The following ATP10B variants were observed in gnomAD, a reference collection of about 807,000 sequenced individuals.
ATP10B encodes the protein phospholipid-transporting ATPase VB.
A neutral mutation model predicts 141.2 loss-of-function variants in ATP10B; 122 were observed. The observed-to-expected ratio is 0.86, with a 90% confidence interval of 0.75 to 1.00. ATP10B has a LOEUF of 1.00. Among genes scored for constraint, ATP10B ranks in the 50% least tolerant of loss-of-function variants. The pLI is 0.00. For missense variants in ATP10B, 1,876 were observed against 1,825.3 expected (o/e 1.03, Z -0.51); for synonymous variants, 685 against 692.0 (o/e 0.99, Z 0.16).
At chr5:160,680,086 G>A (rs541361029) in intron 6 of ATP10B, among the ~76,000 whole-genome samples, 1 of 152,160 alleles carries the variant, frequency 6.6e-6, no homozygotes, top group South Asian at 2.1e-4. Context: ...GGCTTCTGCT[G>A]TTTGTAAAAA....
chr5:160,815,562 T>C (rs1773542297), intron 1 of ATP10B, among the ~76,000 whole-genome samples: 1 of 132,540 alleles, frequency 7.5e-6, no homozygotes, highest in Non-Finnish European at 1.8e-5. Flanking sequence ...CACACAATAA[T>C]AATACGAGAC....
At chr5:160,827,068 G>C (rs1774661567) in intron 1 of ATP10B, among the ~76,000 whole-genome samples, 1 of 152,060 alleles carries the variant, frequency 6.6e-6, no homozygotes, top group African/African-American at 2.4e-5. Context: ...TGTGATCTTT[G>C]TGACCTACAC....
intron 1 of ATP10B, among the ~76,000 whole-genome samples, chr5:160,834,770 C>T (rs904433685): frequency 1.3e-5 from 2 of 152,118 alleles, no homozygotes; most frequent in African/African-American, 2.4e-5. Context: ...TTCTTCCCCA[C>T]AGATTTCTAG....
rs567119470 is a variant in ATP10B, at chr5:160,599,303, T to C, written c.3364-333A>G. Among the ~76,000 whole-genome samples, 76 of 152,266 alleles carry C rather than the reference T, an allele frequency of 5.0e-4. No individual in the cohort carries two copies. The South Asian group carries it at 0.015, about 30-fold the overall frequency. On this transcript the variant is annotated intron_variant, in intron 21 of 25. Transcript: ENST00000327245. Reference sequence around the variant, plus strand: ...ATGTATGGCAAGCCCCGGAATAACATTGCTTAATTCAACATCACATTTTCT... The same window carrying C: ...ATGTATGGCAAGCCCCGGAATAACACTGCTTAATTCAACATCACATTTTCT...
At chr5:160,650,908 C>T (rs1254118380) in intron 7 of ATP10B, among the ~76,000 whole-genome samples, 1 of 152,162 alleles carries the variant, frequency 6.6e-6, no homozygotes, top group Admixed American at 6.5e-5. Context: ...AGCAGCCCAA[C>T]CCTCAGTTTG....
intron 2 of ATP10B, among the ~76,000 whole-genome samples, chr5:160,762,405 C>T (rs1181525197): frequency 2.6e-5 from 4 of 152,138 alleles, no homozygotes; most frequent in East Asian, 1.9e-4. Flanking sequence ...GGGGTCCTAT[C>T]GTTAGCCTCC....
At chr5:160,623,716 T>A (rs1415928659) in intron 13 of ATP10B, among the ~76,000 whole-genome samples, 2 of 152,220 alleles carry the variant, frequency 1.3e-5, no homozygotes, top group African/African-American at 4.8e-5. Flanking sequence ...TCCTCTATTT[T>A]ACCCCAGGGA....
intron 18 of ATP10B, chr5:160,611,810 A>G (rs1460996106): frequency 1.3e-5 from 2 of 152,106 alleles, no homozygotes; most frequent in African/African-American, 4.8e-5. Context: ...TAGGTGCCCT[A>G]CGGGCCCTAC....
At chr5:160,757,607 G>A (rs1768719785) in intron 2 of ATP10B, among the ~76,000 whole-genome samples, 1 of 152,146 alleles carries the variant, frequency 6.6e-6, no homozygotes, top group South Asian at 2.1e-4. Context: ...CACTTGGGTA[G>A]TTCACTTAGT....
intron 3 of ATP10B, among the ~76,000 whole-genome samples, chr5:160,709,513 A>C (rs1765223582): frequency 6.6e-6 from 1 of 152,200 alleles, no homozygotes; most frequent in Non-Finnish European, 1.5e-5. Flanking sequence ...TTATACCATC[A>C]TCAGACTGGT....
the ATP10B span, among the ~76,000 whole-genome samples, chr5:160,887,565 T>C: frequency 1.3e-5 from 2 of 152,126 alleles, no homozygotes; most frequent in African/African-American, 4.8e-5. Flanking sequence ...AGAGCCCAAG[T>C]CCTTAAAGGC....
intron 3 of ATP10B, among the ~76,000 whole-genome samples, chr5:160,715,651 C>G (rs969691421): frequency 2.2e-4 from 33 of 151,952 alleles, no homozygotes; most frequent in Admixed American, 9.8e-4. Context: ...CTCTCATAAA[C>G]AAATTTTTGT....
the ATP10B span, among the ~76,000 whole-genome samples, chr5:160,895,267 TAA>T: frequency 6.6e-6 from 1 of 151,846 alleles, no homozygotes; most frequent in Admixed American, 6.6e-5. Flanking sequence ...ACAAATTGGA[TAA>T]AGAGTGAGGA....
intron 2 of ATP10B, among the ~76,000 whole-genome samples, chr5:160,743,632 A>G (rs186150210): frequency 1.7e-4 from 26 of 152,346 alleles, no homozygotes; most frequent in African/African-American, 6.0e-4. Context: ...CTTGGTCTCA[A>G]TCTATGAACC....
the ATP10B span, among the ~76,000 whole-genome samples, chr5:160,873,767 G>A: frequency 6.6e-6 from 1 of 152,192 alleles, no homozygotes; most frequent in Non-Finnish European, 1.5e-5. Context: ...CAAAGAAAGG[G>A]GTGACAGACG....
chr5:160,625,886 T>C (rs1319977827), intron 13 of ATP10B, among the ~76,000 whole-genome samples: 1 of 152,256 alleles, frequency 6.6e-6, no homozygotes, highest in Non-Finnish European at 1.5e-5. Flanking sequence ...TTAAAACTAC[T>C]CTTTTATATA....
At chr5:160,828,003 C>T (rs973620291) in intron 1 of ATP10B, among the ~76,000 whole-genome samples, 1 of 151,962 alleles carries the variant, frequency 6.6e-6, no homozygotes, top group Non-Finnish European at 1.5e-5. Context: ...CCCTGGCTAG[C>T]CATATGTAGA....
chr5:160,596,897 T>C (rs1374853288), intron 22 of ATP10B, among the ~76,000 whole-genome samples: 3 of 152,082 alleles, frequency 2.0e-5, no homozygotes, highest in African/African-American at 2.4e-5. Flanking sequence ...TAAAAGAGGA[T>C]ACAAAGAAGT....
intron 7 of ATP10B, among the ~76,000 whole-genome samples, chr5:160,653,623 TATATATAC>T (rs201263819): frequency 0.036 from 1,819 of 49,908 alleles, 58 homozygotes; most frequent in Non-Finnish European, 0.048. Context: ...ACATATATAT[TATATATAC>T]ATATATACAT....
Sources: allele counts gnomAD v4.1 joint callset (sites outside exome capture counted in the v4.1 genomes callset), GRCh38; gene constraint gnomAD v4.1.1; transcripts MANE v1.5; gene names NCBI Gene and HGNC (gene_info 2026-07-23, HGNC 2026-07-21).